RAPGEF6: variants seen among roughly 807,000 people sequenced by gnomAD.
The protein encoded by RAPGEF6 is PDZ domain containing guanine nucleotide exchange factor (GEF) 2.
RAPGEF6 carries 56 observed loss-of-function variants against 171.4 expected under a neutral mutation model. That is an observed-to-expected ratio of 0.33 (90% CI 0.26 to 0.41). RAPGEF6 has a LOEUF of 0.41. Ranked by LOEUF, RAPGEF6 falls within the 10% of genes least tolerant of loss-of-function variation. RAPGEF6 has a pLI of 1.00. For missense variants in RAPGEF6, 1,674 were observed against 1,921.4 expected (o/e 0.87, Z 2.41); for synonymous variants, 692 against 650.1 (o/e 1.06, Z -0.98).
At chr5:131,485,459 CA>C (rs1227161428) in intron 15 of RAPGEF6, among the ~76,000 whole-genome samples, 3 of 152,116 alleles carry the variant, frequency 2.0e-5, no homozygotes, top group Admixed American at 2.0e-4. Flanking sequence ...AGCCTAAAAG[CA>C]GTGTCACTTT....
At chr5:131,472,502 C>T (rs756739347) in intron 17 of RAPGEF6, 85 bp downstream of exon 17, 116 of 1,436,244 alleles carry the variant, frequency 8.1e-5, no homozygotes, top group Non-Finnish European at 1.1e-4. Context: ...CTGCAAGTAA[C>T]TCTAGCACTT....
intron 3 of RAPGEF6, among the ~76,000 whole-genome samples, chr5:131,599,111 G>A (rs535736864): frequency 6.6e-6 from 1 of 152,290 alleles, no homozygotes; most frequent in South Asian, 2.1e-4. Context: ...AGGAGTTTGA[G>A]ACCAGCCTGG....
intron 24 of RAPGEF6, among the ~76,000 whole-genome samples, chr5:131,439,337 T>C (rs966316471): frequency 6.6e-6 from 1 of 152,246 alleles, no homozygotes; most frequent in Non-Finnish European, 1.5e-5. Flanking sequence ...GCCTTTATTC[T>C]TATCCATGCT....
rs781269107 is a variant in RAPGEF6 at position 131,427,248 on chromosome 5, A to G, written c.*18T>C. On this transcript the variant is annotated 3_prime_UTR_variant, in exon 28 of 28. Transcript: ENST00000509018. Reference sequence around the variant, plus strand: ...TCCTCCACGACTTTCAGTGGTTTTCAAATAGGTCATCCAAAGGCTAGACTG... The same window carrying G: ...TCCTCCACGACTTTCAGTGGTTTTCGAATAGGTCATCCAAAGGCTAGACTG... The G allele has an allele frequency of 6.2e-7, 1 of 1,606,754 alleles. No individual in the cohort carries two copies. The highest frequency in any genetic ancestry group is 1.1e-5 in the South Asian group (1 of 90,882).
intron 21 of RAPGEF6, among the ~76,000 whole-genome samples, chr5:131,451,238 G>A (rs1305481941): frequency 1.3e-5 from 2 of 152,058 alleles, no homozygotes; most frequent in Non-Finnish European, 2.9e-5. Context: ...TTCCTTCCAT[G>A]CTTTGTGGAT....
In RAPGEF6 at chr5:131,460,889, G is replaced by A. The variant is rs116666348; in HGVS notation, c.2864+816C>T. 2.8e-3 allele frequency among the ~76,000 whole-genome samples: 424 copies of A among 152,182 alleles called. 6 individuals carry two copies. The highest frequency in any genetic ancestry group is 9.8e-3 in the African/African-American group (409 of 41,528). On this transcript the variant is annotated intron_variant, in intron 19 of 27. Transcript: ENST00000509018. ...AGAAACAAATCATTATGAATTCTGT[G>A]GGGGATGTGTATAGGTAGGATTAGT...
chr5:131,439,537 ATTG>A (rs1314983764), intron 24 of RAPGEF6, 41 bp downstream of exon 24: 2 of 1,558,874 alleles, frequency 1.3e-6, no homozygotes, highest in Non-Finnish European at 1.7e-6. Flanking sequence ...GCTATAAAGT[ATTG>A]TTTAGTTTAA....
intron 17 of RAPGEF6, among the ~76,000 whole-genome samples, chr5:131,471,193 T>G (rs1437636517): frequency 1.3e-5 from 2 of 152,196 alleles, no homozygotes; most frequent in African/African-American, 4.8e-5. Context: ...TACAAATGTC[T>G]TAGGAAAGTA....
chr5:131,487,688 C>G (rs1205806997), intron 15 of RAPGEF6, among the ~76,000 whole-genome samples: 1 of 152,178 alleles, frequency 6.6e-6, no homozygotes, highest in Non-Finnish European at 1.5e-5. Flanking sequence ...GAAATGTTCT[C>G]CGAGTCCCTA....
intron 1 of RAPGEF6, among the ~76,000 whole-genome samples, chr5:131,613,979 C>T (rs1765106710): frequency 6.6e-6 from 1 of 151,898 alleles, no homozygotes; most frequent in Non-Finnish European, 1.5e-5. Context: ...TCCATTCTCA[C>T]ACTGCTATAA....
intron 21 of RAPGEF6, 80 bp downstream of exon 21, chr5:131,452,974 G>C (rs1753208365): frequency 6.7e-7 from 1 of 1,488,570 alleles, no homozygotes. Flanking sequence ...GAATAAATAT[G>C]ATCAATAAAT....
intron 1 of RAPGEF6, among the ~76,000 whole-genome samples, chr5:131,630,636 ACACT>A (rs1766242698): frequency 6.6e-6 from 1 of 152,208 alleles, no homozygotes; most frequent in South Asian, 2.1e-4. Context: ...TCTCACACAC[ACACT>A]GTGTTAGAAA....
chr5:131,564,930 AT>A (rs1248555736), intron 4 of RAPGEF6, among the ~76,000 whole-genome samples: 1 of 152,158 alleles, frequency 6.6e-6, no homozygotes, highest in African/African-American at 2.4e-5. Context: ...TTGACCCACC[AT>A]TTATAAAGTT....
intron 1 of RAPGEF6, among the ~76,000 whole-genome samples, chr5:131,631,693 T>C (rs1259828546): frequency 6.6e-6 from 1 of 152,190 alleles, no homozygotes; most frequent in Admixed American, 6.5e-5. Context: ...ATGCCTGTAG[T>C]TCCAGCTACT....
At chr5:131,588,335 G>A (rs892905108) in intron 4 of RAPGEF6, among the ~76,000 whole-genome samples, 3 of 152,114 alleles carry the variant, frequency 2.0e-5, no homozygotes, top group Admixed American at 2.0e-4. Context: ...ATTAGCAGAG[G>A]AAAAATGGGT....
intron 1 of RAPGEF6, among the ~76,000 whole-genome samples, chr5:131,632,881 T>TAGATGTTAAGATGTA (rs1766399473): frequency 6.6e-6 from 1 of 152,230 alleles, no homozygotes. Context: ...CCTCTTATGC[T>TAGATGTTAAGATGTA]GCTAGATGTC....
chr5:131,574,852 G>A (rs184594287), intron 4 of RAPGEF6, among the ~76,000 whole-genome samples: 34 of 151,956 alleles, frequency 2.2e-4, no homozygotes, highest in African/African-American at 6.0e-4. Flanking sequence ...CCCGCTCAAC[G>A]CCAGTACCCC....
chr5:131,603,347 A>G lies in RAPGEF6; in HGVS notation c.141-20T>C. On this transcript the variant is annotated intron_variant, in intron 2 of 27. Transcript: ENST00000509018. ...ATTAATCTATTAAAAAAAAAAATTGAAGATTTTATCTTACATTTTGTTTTT... is the reference window on the plus strand; with the variant it reads ...ATTAATCTATTAAAAAAAAAAATTGGAGATTTTATCTTACATTTTGTTTTT... 6.8e-7 allele frequency: 1 copy of G among 1,467,454 alleles called. No homozygotes were observed. Among genetic ancestry groups the G allele is most frequent in the Non-Finnish European group, 9.2e-7 (1 of 1,081,628 alleles). The allele number at this position is 1,467,454 out of a possible 1,614,324, so 90.9% of individuals were successfully genotyped here.
intron 4 of RAPGEF6, among the ~76,000 whole-genome samples, chr5:131,582,154 T>A (rs1158786275): frequency 1.3e-5 from 2 of 152,214 alleles, no homozygotes; most frequent in East Asian, 1.9e-4. Context: ...CCTGCTCAGA[T>A]GGTCTCTTAT....
Sources: allele counts gnomAD v4.1 joint callset (sites outside exome capture counted in the v4.1 genomes callset), GRCh38; gene constraint gnomAD v4.1.1; transcripts MANE v1.5; gene names NCBI Gene and HGNC (gene_info 2026-07-23, HGNC 2026-07-21).